ANKRD44: variants seen among roughly 807,000 people sequenced by gnomAD.
ANKRD44 encodes serine/threonine-protein phosphatase 6 regulatory ankyrin repeat subunit B.
A neutral mutation model predicts 116.0 loss-of-function variants in ANKRD44; 35 were observed. The ratio of observed to expected loss-of-function variants is 0.30; its 90% CI spans 0.23 to 0.40. The LOEUF (loss-of-function observed/expected upper bound fraction) is 0.40, where lower values mean the gene tolerates loss of function less well. ANKRD44 is among the 10% of genes least tolerant of loss of function. The probability of loss-of-function intolerance (pLI) is 1.00; values close to 1 mark genes in which losing one functional copy is unlikely to be tolerated. For missense variants in ANKRD44, 1,014 were observed against 1,242.6 expected (o/e 0.82, Z 2.77); for synonymous variants, 435 against 461.8 (o/e 0.94, Z 0.74).
chr2:197,151,603 A>G (rs1389724838), intron 2 of ANKRD44, among the ~76,000 whole-genome samples: 1 of 152,214 alleles, frequency 6.6e-6, no homozygotes, highest in Non-Finnish European at 1.5e-5. Context: ...TAAGCACAGG[A>G]ACTTTGGGCT....
At chr2:197,042,803 GAGGCATTTTCAGTAAATGCA>G (rs569237601) in intron 16 of ANKRD44, among the ~76,000 whole-genome samples, 103 of 152,316 alleles carry the variant, frequency 6.8e-4, no homozygotes, top group African/African-American at 2.1e-3. Context: ...TTCAGCCAGT[GAGGCATTTTCAGTAAATGCA>G]AGGCATTTTC....
intron 8 of ANKRD44, 59 bp from the exon 9 acceptor site, chr2:197,110,903 T>C: frequency 2.6e-6 from 3 of 1,166,274 alleles, no homozygotes; most frequent in Non-Finnish European, 3.9e-6. Flanking sequence ...GTGACACCCA[T>C]CTGAAATACC....
Position 196,989,207 on chromosome 2 carries a change from C to T in ANKRD44, c.*384G>A, listed in dbSNP as rs1281123209. 2.0e-6 allele frequency: 2 copies of T among 981,492 alleles called. No individual in the cohort carries two copies. The highest frequency in any genetic ancestry group is 5.2e-4 in the Middle Eastern group (1 of 1,930). 60.8% of individuals were successfully genotyped at this position (981,492 alleles called of 1,614,324 possible). A position where few individuals can be genotyped will look rare whatever the true frequency, so the allele number is the denominator to read the frequency against. ...AGAACAAATAATGGATGTTTCCTCACCATTTGTTTCATTTCAAATAAATAT... is the reference window on the plus strand; with the variant it reads ...AGAACAAATAATGGATGTTTCCTCATCATTTGTTTCATTTCAAATAAATAT... On this transcript the variant is annotated 3_prime_UTR_variant, in exon 28 of 28. Coordinates refer to ENST00000282272, the MANE Select transcript of ANKRD44 (RefSeq NM_001195144.2).
chr2:197,154,558 T>C (rs1035670732), intron 2 of ANKRD44, among the ~76,000 whole-genome samples: 4 of 152,138 alleles, frequency 2.6e-5, no homozygotes, highest in Non-Finnish European at 5.9e-5. Flanking sequence ...GAACTGCCTA[T>C]ATGTATCTTT....
chr2:197,214,789 G>A (rs997192784), intron 1 of ANKRD44, among the ~76,000 whole-genome samples: 2 of 152,222 alleles, frequency 1.3e-5, no homozygotes, highest in African/African-American at 4.8e-5. Flanking sequence ...TCTTGAATTG[G>A]AAGGTCACAT....
chr2:197,072,095 GAAGGAA>G (rs1329516617), intron 16 of ANKRD44, among the ~76,000 whole-genome samples: 1 of 147,732 alleles, frequency 6.8e-6, no homozygotes, highest in African/African-American at 2.5e-5. Context: ...AGGAAGGAAG[GAAGGAA>G]AAGGAAGAAA....
intron 16 of ANKRD44, among the ~76,000 whole-genome samples, chr2:197,032,735 C>T (rs1457685706): frequency 1.3e-5 from 2 of 152,126 alleles, no homozygotes; most frequent in Non-Finnish European, 2.9e-5. Context: ...ATTCATTGAT[C>T]CCCATGCCAG....
chr2:197,248,708 T>C (rs2082251835), intron 1 of ANKRD44, among the ~76,000 whole-genome samples: 1 of 151,682 alleles, frequency 6.6e-6, no homozygotes, highest in Admixed American at 6.6e-5. Context: ...TATGGAGGAC[T>C]GCTGTGGGAA....
chr2:197,010,491 C>T (rs902099264), intron 18 of ANKRD44, among the ~76,000 whole-genome samples: 4 of 152,172 alleles, frequency 2.6e-5, no homozygotes, highest in Non-Finnish European at 4.4e-5. Flanking sequence ...AGGCCTGGAC[C>T]GGCTGGGGCG....
chr2:196,972,895 C>T (rs1326320520), intron 21 of ANKRD44, among the ~76,000 whole-genome samples: 1 of 152,178 alleles, frequency 6.6e-6, no homozygotes, highest in Non-Finnish European at 1.5e-5. Context: ...TTTTATCATT[C>T]ACATTTAGCA....
intron 16 of ANKRD44, chr2:197,077,891 G>C (rs910067421): frequency 6.6e-6 from 1 of 152,112 alleles, no homozygotes. Flanking sequence ...AATCAAAGGG[G>C]GGTAATTTCA....
At position 197,025,037 on chromosome 2, in the gene ANKRD44, C is replaced by T. The variant is rs557610382; in HGVS notation, c.1722+159G>A. Among the ~76,000 whole-genome samples, 165 of 152,308 alleles carry T rather than the reference C, an allele frequency of 1.1e-3. 1 individual carries two copies. Among genetic ancestry groups the T allele is most frequent in the African/African-American group, 3.6e-3 (151 of 41,570 alleles). ...CAGCAGATGAAGCTGGGAATGAAGGCGAGGCAGTCTGTCTCCACAGCCTGT... is the reference window on the plus strand; with the variant it reads ...CAGCAGATGAAGCTGGGAATGAAGGTGAGGCAGTCTGTCTCCACAGCCTGT... On this transcript the variant is annotated intron_variant, in intron 17 of 27. Transcript: ENST00000282272.
chr2:197,068,252 C>A (rs1259266654), intron 16 of ANKRD44, among the ~76,000 whole-genome samples: 35 of 133,748 alleles, frequency 2.6e-4, no homozygotes, highest in African/African-American at 9.5e-4. Flanking sequence ...GGGAGATATA[C>A]CTAATGCTAG....
chr2:196,983,118 T>A (rs13024549), downstream of ANKRD44, among the ~76,000 whole-genome samples: 115,964 of 151,952 alleles, frequency 0.76, 45,844 homozygotes, highest in East Asian at 1. Flanking sequence ...AGGTGCAGCA[T>A]ACCACCATGG....
chr2:197,283,973 G>T (rs2105841917), intron 1 of ANKRD44, among the ~76,000 whole-genome samples: 2 of 152,338 alleles, frequency 1.3e-5, no homozygotes, highest in Middle Eastern at 6.8e-3. Flanking sequence ...ACCAGATACA[G>T]AGAGATTGTG....
intron 1 of ANKRD44, among the ~76,000 whole-genome samples, chr2:197,215,794 G>A (rs546967669): frequency 2.0e-5 from 3 of 152,274 alleles, no homozygotes; most frequent in East Asian, 3.9e-4. Context: ...AAATCAACCT[G>A]CAATTAGGAC....
At chr2:197,266,348 G>A (rs187157001) in intron 1 of ANKRD44, among the ~76,000 whole-genome samples, 2,088 of 152,156 alleles carry the variant, frequency 0.014, 17 homozygotes, top group Non-Finnish European at 0.02. Context: ...CCAGAGGAAA[G>A]GGGGAAAAAT....
At chr2:197,015,997 T>C in intron 17 of ANKRD44, 1 of 539,212 alleles carries the variant, frequency 1.9e-6, no homozygotes, top group Admixed American at 1.9e-5. Flanking sequence ...GTGGTGGATA[T>C]GGTAGCAGAA....
chr2:197,012,994 TAC>T (rs1203050251), intron 18 of ANKRD44, among the ~76,000 whole-genome samples: 1 of 152,198 alleles, frequency 6.6e-6, no homozygotes, highest in African/African-American at 2.4e-5. Flanking sequence ...TTTTGATATA[TAC>T]ATGTACTTTT....
Sources: allele counts gnomAD v4.1 joint callset (sites outside exome capture counted in the v4.1 genomes callset), GRCh38; gene constraint gnomAD v4.1.1; transcripts MANE v1.5; gene names NCBI Gene and HGNC (gene_info 2026-07-23, HGNC 2026-07-21).